Variants in MICAL3 observed in about 807,000 individuals in gnomAD.
MICAL3 encodes the protein [F-actin]-monooxygenase MICAL3.
A neutral mutation model predicts 207.4 loss-of-function variants in MICAL3; 62 were observed. The observed-to-expected ratio is 0.30, with a 90% confidence interval of 0.24 to 0.37. The LOEUF (loss-of-function observed/expected upper bound fraction) is 0.37. Among genes scored for constraint, MICAL3 ranks in the 10% least tolerant of loss-of-function variants. MICAL3 has a pLI of 1.00. For synonymous variants in MICAL3, 1,077 were observed against 1,069.3 expected (o/e 1.01, Z -0.14); for missense variants, 2,368 against 2,635.6 (o/e 0.90, Z 2.22).
At chr22:18,007,663 G>T (rs1185993617) in intron 1 of MICAL3, among the ~76,000 whole-genome samples, 1 of 151,872 alleles carries the variant, frequency 6.6e-6, no homozygotes, top group African/African-American at 2.4e-5. Context: ...AGTAAAAAAT[G>T]CATGATGGGG....
chr22:17,794,484 C>T (rs2061855285), intron 29 of MICAL3, among the ~76,000 whole-genome samples: 1 of 152,252 alleles, frequency 6.6e-6, no homozygotes, highest in African/African-American at 2.4e-5. Context: ...GACGGGCCTC[C>T]AGGACGCTCA....
intron 29 of MICAL3, among the ~76,000 whole-genome samples, chr22:17,804,991 ACGT>A (rs1658947439): frequency 6.6e-6 from 1 of 152,314 alleles, no homozygotes; most frequent in Non-Finnish European, 1.5e-5. Flanking sequence ...GCCTGGCCAT[ACGT>A]CGTCATACCT....
Position 17,841,766 on chromosome 22 carries a change from G to A in MICAL3, c.2801+56C>T. On this transcript the variant is annotated intron_variant, in intron 20 of 31. Coordinates refer to ENST00000441493, the MANE Select transcript of MICAL3 (RefSeq NM_015241.3). This position sits in a 1 kb window ranked among gnomAD's most constrained non-coding sequence, Gnocchi z 4.2. ...AGAAGAAACCGAGACACACAGAGGT[G>A]AGGAGGCTCTTAGGGCCGTGTGGCG... 1.3e-6 allele frequency: 2 copies of A among 1,511,998 alleles called. No homozygotes were observed. Among genetic ancestry groups the A allele is most frequent in the Non-Finnish European group, 1.8e-6 (2 of 1,117,842 alleles). 93.7% of individuals were successfully genotyped at this position (1,511,998 alleles called of 1,614,324 possible).
At chr22:17,800,112 T>C (rs2061922601) in intron 29 of MICAL3, among the ~76,000 whole-genome samples, 1 of 152,128 alleles carries the variant, frequency 6.6e-6, no homozygotes, top group Non-Finnish European at 1.5e-5. Context: ...GGAAGACGGC[T>C]GCTCAGAAGG....
intron 28 of MICAL3, among the ~76,000 whole-genome samples, chr22:17,809,302 C>T (rs1329273064): frequency 1.3e-5 from 2 of 152,128 alleles, no homozygotes; most frequent in African/African-American, 4.8e-5. Context: ...GGAGGGGGTT[C>T]CTGAAGAGTG....
intron 2 of MICAL3, among the ~76,000 whole-genome samples, chr22:17,905,843 G>A (rs5747401): frequency 6.6e-5 from 10 of 152,260 alleles, no homozygotes; most frequent in South Asian, 2.1e-4. Flanking sequence ...TACCTGCTTC[G>A]TGGAAACCCC....
At chr22:17,826,563 G>C in intron 22 of MICAL3, 1 of 936,666 alleles carries the variant, frequency 1.1e-6, no homozygotes, top group Non-Finnish European at 1.3e-6. Context: ...AGCAATATGC[G>C]TTCCCAACGA....
rs1924011517 is a variant in MICAL3 at position 17,841,548 on chromosome 22, G to A, written c.2801+274C>T. ...TGTGAATAACCCGGGGGCAGAGCCTGCCACTTTCCTTCCCAATGACAGACT... is the reference window on the plus strand; with the variant it reads ...TGTGAATAACCCGGGGGCAGAGCCTACCACTTTCCTTCCCAATGACAGACT... On this transcript the variant is annotated intron_variant, in intron 20 of 31. Transcript: ENST00000441493. This position sits in a 1 kb window ranked among gnomAD's most constrained non-coding sequence, Gnocchi z 4.2. The A allele has an allele frequency of 8.8e-6, 5 of 565,966 alleles. No individual in the cohort carries two copies. The highest frequency in any genetic ancestry group is 3.0e-5 in the Admixed American group (1 of 33,408). 35.1% of individuals were successfully genotyped at this position (565,966 alleles called of 1,614,324 possible). A position where few individuals can be genotyped will look rare whatever the true frequency, so the allele number is the denominator to read the frequency against.
Position 17,923,863 on chromosome 22 carries a change from G to A in MICAL3, c.-74-16977C>T, listed in dbSNP as rs1286760048. Among the ~76,000 whole-genome samples, 4 of 152,202 alleles carry A rather than the reference G, an allele frequency of 2.6e-5. No homozygotes were observed. In the East Asian group the frequency reaches 7.7e-4, roughly 29 times the overall value. On this transcript the variant is annotated intron_variant, in intron 1 of 31. Transcript: ENST00000441493. Reference sequence around the variant, plus strand: ...AGTCCATTCTCATGCTGCTAATAAAGACATATCTGAGACTGGGTAATTTAT... The same window carrying A: ...AGTCCATTCTCATGCTGCTAATAAAAACATATCTGAGACTGGGTAATTTAT...
At chr22:17,865,101 A>AT (rs1228840821) in intron 18 of MICAL3, 115 bp from the exon 19 acceptor site, 2 of 628,114 alleles carry the variant, frequency 3.2e-6, no homozygotes, top group Admixed American at 1.0e-4. Context: ...TTATTTATTT[A>AT]TTTATTTATT....
In MICAL3 at chr22:17,831,897, C is replaced by T. The variant is rs748250545; in HGVS notation, c.3012G>A (p.Glu1004=). 6.4e-7 allele frequency: 1 copy of T among 1,555,930 alleles called. No homozygotes were observed. The highest frequency in any genetic ancestry group is 1.4e-5 in the African/African-American group (1 of 73,212). ...CCTCCTCGTCATAGTCCTCCTCCTC[C>T]TCCTCTTCATATTCTTCCTCCTCCT... ...EEEEEEEYEE[E]EEEDYDEEEE... Residue 1004 remains glutamate, a synonymous_variant, in exon 21 of 32, where the codon GAG becomes GAA. Coordinates refer to ENST00000441493, the MANE Select transcript of MICAL3 (RefSeq NM_015241.3).
chr22:17,856,667 T>C (rs1925934971), intron 19 of MICAL3, among the ~76,000 whole-genome samples: 1 of 137,836 alleles, frequency 7.3e-6, no homozygotes, highest in Admixed American at 8.2e-5. Flanking sequence ...CAGGCCGGAC[T>C]GCGGACTGCA....
Position 17,902,123 on chromosome 22 carries a change from G to A in MICAL3, c.590-144C>T. 1 of 628,420 alleles carries A rather than the reference G, an allele frequency of 1.6e-6. No individual in the cohort carries two copies. Among genetic ancestry groups the A allele is most frequent in the Admixed American group, 2.7e-5 (1 of 37,586 alleles). 38.9% of individuals were successfully genotyped at this position (628,420 alleles called of 1,614,324 possible). On this transcript the variant is annotated intron_variant, in intron 4 of 31. Transcript: ENST00000441493. This position sits in a 1 kb window ranked among gnomAD's most constrained non-coding sequence, Gnocchi z 4.5. ...TAGAAGCAGTGGAGACAGAGGCTGT[G>A]CACGGTGGCTCGTGCCTCTAATCCC...
chr22:17,963,513 C>A (rs1272409966), intron 1 of MICAL3, among the ~76,000 whole-genome samples: 1 of 152,068 alleles, frequency 6.6e-6, no homozygotes, highest in Non-Finnish European at 1.5e-5. Context: ...GATGGGCCTC[C>A]GTCGCCGGTT....
Position 17,902,929 on chromosome 22 carries a change from T to C in MICAL3, c.473-182A>G, listed in dbSNP as rs2146260878. Among the ~76,000 whole-genome samples, 1 of 152,310 alleles carries C rather than the reference T, an allele frequency of 6.6e-6. No homozygotes were observed. The highest frequency in any genetic ancestry group is 6.5e-5 in the Admixed American group (1 of 15,306). On this transcript the variant is annotated intron_variant, in intron 3 of 31. Coordinates refer to ENST00000441493, the MANE Select transcript of MICAL3 (RefSeq NM_015241.3). This position sits in a 1 kb window ranked among gnomAD's most constrained non-coding sequence, Gnocchi z 4.5. ...CTTCTTCCTTTCTTAAAGGCAAATA[T>C]AACCCAGTGGAAGAGCTGTTCTAGA...
chr22:17,976,311 CA>C (rs1935628290), intron 1 of MICAL3, among the ~76,000 whole-genome samples: 1 of 151,924 alleles, frequency 6.6e-6, no homozygotes, highest in African/African-American at 2.4e-5. Context: ...CTGAAAATCT[CA>C]TTAGATAACA....
At chr22:17,941,716 T>C (rs369130602) in intron 1 of MICAL3, among the ~76,000 whole-genome samples, 5 of 152,260 alleles carry the variant, frequency 3.3e-5, no homozygotes, top group East Asian at 1.9e-4. Flanking sequence ...AGCTGTTTGG[T>C]TGACCTTCAC....
At position 17,817,395 on chromosome 22, in the gene MICAL3, C is replaced by A; in HGVS notation, c.5266G>T (p.Asp1756Tyr). 1 of 1,613,178 alleles carries A rather than the reference C, an allele frequency of 6.2e-7. No individual in the cohort carries two copies. Among genetic ancestry groups the A allele is most frequent in the Non-Finnish European group, 8.5e-7 (1 of 1,179,832 alleles). The change falls in exon 26 of 32, where the codon GAC becomes TAC. Residue 1756 changes from aspartate to tyrosine, a missense_variant. Physicochemically the swap from Asp to Tyr is radical, Grantham distance 160. Coordinates refer to ENST00000441493, the MANE Select transcript of MICAL3 (RefSeq NM_015241.3). ...GGGGTGCTGGGGCAGGACTTGTCGT[C>A]GGCCTTCTTCTTCTTGTCCTTCTTG... ...GYKKDKKKKA[D>Y]DKSCPSTPSS...
At chr22:17,898,679 T>A (rs1006383554) in intron 7 of MICAL3, among the ~76,000 whole-genome samples, 1 of 152,204 alleles carries the variant, frequency 6.6e-6, no homozygotes, top group African/African-American at 2.4e-5. Context: ...GGACAGTGAT[T>A]CTCACGTTGA....
Sources: allele counts gnomAD v4.1 joint callset (sites outside exome capture counted in the v4.1 genomes callset), GRCh38; gene constraint gnomAD v4.1.1; non-coding constraint Gnocchi (gnomAD v3.1); transcripts MANE v1.5; gene names NCBI Gene and HGNC (gene_info 2026-07-23, HGNC 2026-07-21).